GABRG1: variants seen among roughly 807,000 people sequenced by gnomAD.
The protein encoded by GABRG1 is gamma-aminobutyric acid receptor subunit gamma-1.
A neutral mutation model predicts 49.8 loss-of-function variants in GABRG1; 49 were observed. The ratio of observed to expected loss-of-function variants is 0.98; its 90% CI spans 0.78 to 1.25. GABRG1 has a LOEUF of 1.25. GABRG1 is among the 50% of genes most tolerant of loss of function. The probability of loss-of-function intolerance (pLI) is 0.00; values close to 1 mark genes in which losing one functional copy is unlikely to be tolerated. For synonymous variants in GABRG1, 232 were observed against 185.1 expected (o/e 1.25, Z -2.06); for missense variants, 552 against 552.3 (o/e 1.00, Z 0.01).
rs368384725 is a variant in GABRG1 at position 46,097,206 on chromosome 4, A to G, written c.248T>C (p.Ile83Thr). 1.4e-4 allele frequency: 217 copies of G among 1,606,934 alleles called. No individual in the cohort carries two copies. The highest frequency in any genetic ancestry group is 1.8e-4 in the Non-Finnish European group (208 of 1,176,378). ...GAATGGTAACTCAAGCTTACCTCCT[A>G]TATCTGGACGAAGTTTATTGTCATA... ...QGYDNKLRPDIGVRPTVIETD... is the reference protein window; with the variant it reads ...QGYDNKLRPDTGVRPTVIETD... Residue 83 changes from isoleucine (I) to threonine (T), a missense_variant, in exon 2 of 9, where the codon ATA (isoleucine) becomes ACA (threonine). By Grantham distance (89) the Ile-to-Thr change is moderately conservative. Coordinates refer to ENST00000295452, the MANE Select transcript of GABRG1 (RefSeq NM_173536.4).
chr4:46,090,988 A>ACG (rs1719968085), intron 2 of GABRG1, among the ~76,000 whole-genome samples: 3 of 151,334 alleles, frequency 2.0e-5, no homozygotes, highest in Non-Finnish European at 4.4e-5. Context: ...ACACACACAC[A>ACG]CACACACGGA....
At chr4:46,052,507 G>C (rs1718268103) in intron 7 of GABRG1, among the ~76,000 whole-genome samples, 1 of 151,774 alleles carries the variant, frequency 6.6e-6, no homozygotes, top group African/African-American at 2.4e-5. Flanking sequence ...TGTATACCTG[G>C]GATGTCCCCA....
At chr4:46,073,583 C>A (rs1719219179) in intron 3 of GABRG1, among the ~76,000 whole-genome samples, 1 of 151,898 alleles carries the variant, frequency 6.6e-6, no homozygotes, top group Non-Finnish European at 1.5e-5. Flanking sequence ...GTCTAACTTG[C>A]ATGGAGCACG....
chr4:46,067,080 A>G (rs1420636953), intron 3 of GABRG1, among the ~76,000 whole-genome samples: 1 of 151,968 alleles, frequency 6.6e-6, no homozygotes, highest in Non-Finnish European at 1.5e-5. Flanking sequence ...AAGAAATGGA[A>G]GTACAATTGG....
intron 2 of GABRG1, among the ~76,000 whole-genome samples, chr4:46,085,681 G>GA (rs1359892711): frequency 6.6e-6 from 1 of 150,834 alleles, no homozygotes; most frequent in Admixed American, 6.6e-5. Context: ...ATATAATTAA[G>GA]AAAAAAAACC....
intron 1 of GABRG1, among the ~76,000 whole-genome samples, chr4:46,117,810 ATGTG>A (rs1307485388): frequency 3.2e-5 from 4 of 124,008 alleles, no homozygotes; most frequent in East Asian, 4.3e-4. Flanking sequence ...ATATGTATAC[ATGTG>A]TATCTATATA....
chr4:46,116,909 G>A lies in GABRG1; in HGVS notation c.104+6901C>T, dbSNP rs915241722. ...GTGCTAGTAAATATGGCTCTTTTCT[G>A]GAACAGGTATTCTTTACTCAACACA... On this transcript the variant is annotated intron_variant, in intron 1 of 8. Transcript: ENST00000295452. Among the ~76,000 whole-genome samples the A allele has an allele frequency of 6.0e-5, 9 of 150,416 alleles. No homozygotes were observed. In the East Asian group the frequency reaches 1.8e-3, roughly 29 times the overall value.
chr4:46,079,772 C>T (rs1719498395), intron 3 of GABRG1, among the ~76,000 whole-genome samples: 1 of 151,664 alleles, frequency 6.6e-6, no homozygotes, highest in African/African-American at 2.4e-5. Flanking sequence ...TTGCTATGGC[C>T]CTTGAGTGTT....
chr4:46,052,063 G>C (rs1049805885), intron 7 of GABRG1, among the ~76,000 whole-genome samples: 1 of 151,772 alleles, frequency 6.6e-6, no homozygotes, highest in African/African-American at 2.4e-5. Flanking sequence ...GACAAGGAAT[G>C]CCCTTCTTTC....
chr4:46,103,038 C>G (rs1229260155), intron 1 of GABRG1, among the ~76,000 whole-genome samples: 1 of 151,604 alleles, frequency 6.6e-6, no homozygotes. Context: ...CTTCTCATCA[C>G]AAAATGGCCT....
intron 2 of GABRG1, 105 bp downstream of exon 2, chr4:46,097,096 T>G: frequency 1.0e-6 from 1 of 980,160 alleles, no homozygotes; most frequent in Non-Finnish European, 1.4e-6. Context: ...GCAGATTCTC[T>G]GACATACATC....
intron 1 of GABRG1, 29 bp from the exon 2 acceptor site, chr4:46,097,378 G>A (rs2109431471): frequency 1.3e-6 from 2 of 1,582,762 alleles, no homozygotes; most frequent in Non-Finnish European, 1.7e-6. Context: ...AAAATGGATG[G>A]TAGAAGGTTC....
intron 3 of GABRG1, among the ~76,000 whole-genome samples, chr4:46,068,197 A>T (rs1247341627): frequency 1.3e-5 from 2 of 152,128 alleles, no homozygotes; most frequent in African/African-American, 2.4e-5. Flanking sequence ...AGTCAACTTT[A>T]TTTGCCAGAA....
intron 3 of GABRG1, among the ~76,000 whole-genome samples, chr4:46,081,556 T>C (rs1051976971): frequency 2.6e-5 from 4 of 151,826 alleles, no homozygotes; most frequent in African/African-American, 4.8e-5. Flanking sequence ...GTTAGGCATA[T>C]TATAAAGGTT....
intron 1 of GABRG1, among the ~76,000 whole-genome samples, chr4:46,098,755 CCAAA>C (rs1216668571): frequency 6.6e-6 from 1 of 151,546 alleles, no homozygotes; most frequent in Non-Finnish European, 1.5e-5. Flanking sequence ...AGTGGAGTGG[CCAAA>C]CAAATCCTGA....
At chr4:46,069,901 G>A (rs1050400267) in intron 3 of GABRG1, among the ~76,000 whole-genome samples, 1 of 151,986 alleles carries the variant, frequency 6.6e-6, no homozygotes, top group African/African-American at 2.4e-5. Context: ...AAGATTTCAC[G>A]ACAGATGTTG....
intron 8 of GABRG1, among the ~76,000 whole-genome samples, chr4:46,046,599 T>C (rs1718008057): frequency 6.6e-6 from 1 of 152,078 alleles, no homozygotes; most frequent in African/African-American, 2.4e-5. Context: ...CAAATGTTTA[T>C]TCAATAGGCA....
chr4:46,098,658 A>G (rs186755157), intron 1 of GABRG1, among the ~76,000 whole-genome samples: 127 of 151,864 alleles, frequency 8.4e-4, no homozygotes, highest in Non-Finnish European at 1.5e-3. Flanking sequence ...ATGTTGGACT[A>G]CCCTGGTCTT....
At chr4:46,098,834 T>C (rs1720278168) in intron 1 of GABRG1, among the ~76,000 whole-genome samples, 1 of 151,690 alleles carries the variant, frequency 6.6e-6, no homozygotes, top group Non-Finnish European at 1.5e-5. Context: ...CTTTGTAGGC[T>C]CTCTGTACAA....
Sources: allele counts gnomAD v4.1 joint callset (sites outside exome capture counted in the v4.1 genomes callset), GRCh38; gene constraint gnomAD v4.1.1; transcripts MANE v1.5; gene names NCBI Gene and HGNC (gene_info 2026-07-23, HGNC 2026-07-21).